Variants in VWC2L observed in about 807,000 individuals in gnomAD.
VWC2L encodes von Willebrand factor C domain-containing protein 2-like.
VWC2L carries 10 observed loss-of-function variants against 21.6 expected under a neutral mutation model. The ratio of observed to expected loss-of-function variants is 0.46; its 90% CI spans 0.29 to 0.78. The LOEUF (loss-of-function observed/expected upper bound fraction) is 0.78. Ranked by LOEUF, VWC2L falls within the 30% of genes least tolerant of loss-of-function variation. VWC2L has a pLI of 0.10. For missense variants in VWC2L, 209 were observed against 277.1 expected (o/e 0.75, Z 1.74); for synonymous variants, 96 against 94.3 (o/e 1.02, Z -0.10).
chr2:214,415,453 C>T (rs993147052), intron 2 of VWC2L, among the ~76,000 whole-genome samples: 4 of 152,030 alleles, frequency 2.6e-5, no homozygotes, highest in African/African-American at 9.7e-5. Flanking sequence ...AAAATGTTCC[C>T]ATTTCATCTA....
chr2:214,522,784 A>G (rs1324398447), intron 3 of VWC2L, among the ~76,000 whole-genome samples: 1 of 152,236 alleles, frequency 6.6e-6, no homozygotes, highest in Non-Finnish European at 1.5e-5. Flanking sequence ...GCTATTTTAT[A>G]GAATAAGAAG....
chr2:214,544,676 C>T (rs12329318), intron 3 of VWC2L, among the ~76,000 whole-genome samples: 7 of 151,874 alleles, frequency 4.6e-5, no homozygotes, highest in African/African-American at 9.7e-5. Context: ...TCTCTTCCCC[C>T]CTCTGAGTTC....
At chr2:214,493,867 A>G (rs916805283) in intron 3 of VWC2L, among the ~76,000 whole-genome samples, 2 of 152,176 alleles carry the variant, frequency 1.3e-5, no homozygotes, top group African/African-American at 2.4e-5. Flanking sequence ...AGAAGCAAGC[A>G]AGTGAAGTCT....
chr2:214,421,469 CCTT>C (rs1371057182), intron 2 of VWC2L, among the ~76,000 whole-genome samples: 1 of 152,082 alleles, frequency 6.6e-6, no homozygotes, highest in African/African-American at 2.4e-5. Context: ...TTATTGCTGT[CCTT>C]CATATTGGAA....
chr2:214,510,092 T>C (rs1393109386), intron 3 of VWC2L: 1 of 152,234 alleles, frequency 6.6e-6, no homozygotes, highest in African/African-American at 2.4e-5. Flanking sequence ...TTGATTGCCT[T>C]TGCTTTTAAA....
intron 2 of VWC2L, chr2:214,415,055 C>G (rs1292068642): frequency 6.3e-6 from 1 of 158,132 alleles, no homozygotes; most frequent in Non-Finnish European, 1.4e-5. Context: ...TAGCTGTGGT[C>G]CTCATATTAA....
At chr2:214,564,378 A>G (rs1283398894) in intron 3 of VWC2L, among the ~76,000 whole-genome samples, 2 of 152,254 alleles carry the variant, frequency 1.3e-5, no homozygotes, top group African/African-American at 4.8e-5. Flanking sequence ...CTAAACAAAA[A>G]GAACAAAGCT....
intron 2 of VWC2L, among the ~76,000 whole-genome samples, chr2:214,430,758 T>C (rs1702589458): frequency 6.6e-6 from 1 of 152,250 alleles, no homozygotes; most frequent in Admixed American, 6.5e-5. Flanking sequence ...GGGCAGCTAC[T>C]ACTTAACTCG....
chr2:214,436,421 C>T (rs11891868), intron 2 of VWC2L: 10,361 of 526,904 alleles, frequency 0.02, 778 homozygotes, highest in African/African-American at 0.17. Flanking sequence ...TTTTCTTGTT[C>T]ACAGCAACCT....
intron 3 of VWC2L, among the ~76,000 whole-genome samples, chr2:214,512,112 T>C (rs1689065520): frequency 6.6e-6 from 1 of 152,090 alleles, no homozygotes; most frequent in Non-Finnish European, 1.5e-5. Flanking sequence ...CACTTGATTA[T>C]GGTTTCATAG....
intron 3 of VWC2L, among the ~76,000 whole-genome samples, chr2:214,522,595 TTACA>T (rs1689262693): frequency 1.3e-5 from 2 of 152,034 alleles, no homozygotes; most frequent in South Asian, 4.1e-4. Flanking sequence ...ATTCTAGTCT[TTACA>T]TACATATACA....
chr2:214,458,198 C>T (rs1460336959), intron 3 of VWC2L, among the ~76,000 whole-genome samples: 1 of 151,854 alleles, frequency 6.6e-6, no homozygotes, highest in African/African-American at 2.4e-5. Flanking sequence ...GTCCATTGCC[C>T]GTAGGTTTGC....
chr2:214,536,021 G>A (rs1300587723), intron 3 of VWC2L, among the ~76,000 whole-genome samples: 1 of 151,956 alleles, frequency 6.6e-6, no homozygotes, highest in Non-Finnish European at 1.5e-5. Context: ...TTGGCACAGG[G>A]GAAATCAAAG....
At chr2:214,545,501 C>A (rs996039068) in intron 3 of VWC2L, among the ~76,000 whole-genome samples, 1 of 152,134 alleles carries the variant, frequency 6.6e-6, no homozygotes, top group African/African-American at 2.4e-5. Context: ...GTTCAAGTAT[C>A]TGTGACAGTA....
At chr2:214,459,166 CTTCT>C (rs936603813) in intron 3 of VWC2L, among the ~76,000 whole-genome samples, 7 of 151,956 alleles carry the variant, frequency 4.6e-5, no homozygotes, top group Non-Finnish European at 7.4e-5. Context: ...TTATAATAAC[CTTCT>C]TTATCTCTTT....
At chr2:214,475,290 G>A (rs1411882858) in intron 3 of VWC2L, among the ~76,000 whole-genome samples, 3 of 152,088 alleles carry the variant, frequency 2.0e-5, no homozygotes, top group Non-Finnish European at 4.4e-5. Flanking sequence ...AGGAACAAAG[G>A]TAAGTGAAGT....
At chr2:214,456,574 TATAGTA>T (rs1703061108) in intron 3 of VWC2L, among the ~76,000 whole-genome samples, 2 of 152,164 alleles carry the variant, frequency 1.3e-5, no homozygotes, top group African/African-American at 4.8e-5. Flanking sequence ...TTTAGTTTAA[TATAGTA>T]ATATAGTCCC....
At chr2:214,553,670 T>G (rs1030595022) in intron 3 of VWC2L, among the ~76,000 whole-genome samples, 30 of 152,138 alleles carry the variant, frequency 2.0e-4, no homozygotes, top group African/African-American at 7.0e-4. Context: ...TCTTAATGTC[T>G]CTATATTGAT....
intron 3 of VWC2L, among the ~76,000 whole-genome samples, chr2:214,545,536 G>A (rs976542569): frequency 6.6e-6 from 1 of 152,114 alleles, no homozygotes; most frequent in Non-Finnish European, 1.5e-5. Flanking sequence ...CAAAGTAAAT[G>A]ACATCTTATG....
Sources: gnomAD v4.1 joint callset for allele counts (sites outside exome capture counted in the v4.1 genomes callset) on GRCh38, gnomAD v4.1.1 for gene constraint, MANE v1.5 for transcripts, NCBI Gene and HGNC (gene_info 2026-07-23, HGNC 2026-07-21) for gene names.